The following TLK1 variants were observed in gnomAD, a reference collection of about 807,000 sequenced individuals.
The protein encoded by TLK1 is serine/threonine-protein kinase tousled-like 1.
A neutral mutation model predicts 105.3 loss-of-function variants in TLK1; 24 were observed. The ratio of observed to expected loss-of-function variants is 0.23; its 90% CI spans 0.17 to 0.32. The LOEUF (loss-of-function observed/expected upper bound fraction) is 0.32. Among genes scored for constraint, TLK1 ranks in the 10% least tolerant of loss-of-function variants. The pLI is 1.00. For missense variants in TLK1, 558 were observed against 910.5 expected (o/e 0.61, Z 4.98); for synonymous variants, 321 against 310.4 (o/e 1.03, Z -0.36).
At chr2:171,114,811 AGTGACAGAGTGAGATCCT>A (rs1690337415) in intron 2 of TLK1, among the ~76,000 whole-genome samples, 1 of 151,960 alleles carries the variant, frequency 6.6e-6, no homozygotes, top group South Asian at 2.1e-4. Flanking sequence ...CTCCAGCCTG[AGTGACAGAGTGAGATCCT>A]GTCTCAGAGG....
rs573051930 is a variant in TLK1 at position 171,076,155 on chromosome 2, T to C, written c.330+6626A>G. On this transcript the variant is annotated intron_variant, in intron 3 of 20. Coordinates refer to ENST00000431350, the MANE Select transcript of TLK1 (RefSeq NM_012290.5). ...CTCGCTTGAACCCAGGAGGGGGAAG[T>C]TGCAGTGAGCCAAGATCATGCCACT... is the stretch of plus-strand genomic sequence containing the variant. 5.3e-5 allele frequency among the ~76,000 whole-genome samples: 8 copies of C among 150,208 alleles called. No homozygotes were observed. The South Asian group carries it at 1.0e-3, about 20-fold the overall frequency.
At chr2:171,026,586 A>G (rs1685783405) in intron 12 of TLK1, among the ~76,000 whole-genome samples, 1 of 152,202 alleles carries the variant, frequency 6.6e-6, no homozygotes. Flanking sequence ...ACCCTTCAGT[A>G]AAACTCTCAA....
intron 1 of TLK1, among the ~76,000 whole-genome samples, chr2:171,229,105 C>A (rs942406637): frequency 1.2e-4 from 18 of 152,152 alleles, no homozygotes; most frequent in Admixed American, 8.5e-4. Context: ...TTTTGTTTTC[C>A]AATATTTTAC....
intron 1 of TLK1, among the ~76,000 whole-genome samples, chr2:171,156,810 G>A (rs181901653): frequency 3.2e-3 from 490 of 152,272 alleles, no homozygotes; most frequent in Non-Finnish European, 5.2e-3. Flanking sequence ...AACAGAGGAA[G>A]TTTACAGTTT....
At chr2:171,038,233 T>C (rs1686471126) in intron 11 of TLK1, among the ~76,000 whole-genome samples, 1 of 152,166 alleles carries the variant, frequency 6.6e-6, no homozygotes, top group Non-Finnish European at 1.5e-5. Context: ...ATCAATCATA[T>C]CAATTGTATC....
At chr2:171,218,038 G>T (rs939408233) in intron 1 of TLK1, among the ~76,000 whole-genome samples, 1 of 152,168 alleles carries the variant, frequency 6.6e-6, no homozygotes, top group Non-Finnish European at 1.5e-5. Context: ...CAGATCACAA[G>T]GTCAGGAGAT....
At chr2:171,131,270 G>C (rs1039388285) in intron 1 of TLK1, among the ~76,000 whole-genome samples, 1 of 152,104 alleles carries the variant, frequency 6.6e-6, no homozygotes, top group Non-Finnish European at 1.5e-5. Context: ...CTATAAAATA[G>C]GTTCATATGG....
rs753399963 is a variant in TLK1, at chr2:171,055,192, T to G, written c.550-20A>C. On this transcript the variant is annotated intron_variant, in intron 6 of 20. Transcript: ENST00000431350. ...TCGAACCTAAAGAAATTATTAAAAT[T>G]TTTATATTAGCAAAAAAAAAAAAAA... 2 of 1,331,162 alleles carry G rather than the reference T, an allele frequency of 1.5e-6. No homozygotes were observed. The highest frequency in any genetic ancestry group is 2.0e-6 in the Non-Finnish European group (2 of 1,009,554). The allele number at this position is 1,331,162 out of a possible 1,614,324, so 82.5% of individuals were successfully genotyped here.
intron 1 of TLK1, among the ~76,000 whole-genome samples, chr2:171,122,050 G>A (rs574198069): frequency 4.6e-5 from 7 of 152,294 alleles, no homozygotes; most frequent in South Asian, 4.1e-4. Flanking sequence ...GGGTTCAAGC[G>A]ATTCTCCTGC....
chr2:171,202,699 G>A (rs951152531), intron 1 of TLK1, among the ~76,000 whole-genome samples: 1 of 152,200 alleles, frequency 6.6e-6, no homozygotes, highest in African/African-American at 2.4e-5. Flanking sequence ...AGAAGTTGCA[G>A]TGAGCCGAGA....
chr2:171,084,108 C>G (rs984142505), intron 2 of TLK1, among the ~76,000 whole-genome samples: 2 of 151,994 alleles, frequency 1.3e-5, no homozygotes, highest in African/African-American at 4.8e-5. Context: ...AACAAGTCAA[C>G]AACAACCATA....
At chr2:171,186,458 G>A (rs1328527585) in intron 1 of TLK1, among the ~76,000 whole-genome samples, 1 of 152,204 alleles carries the variant, frequency 6.6e-6, no homozygotes, top group African/African-American at 2.4e-5. Flanking sequence ...GTCATTTAGT[G>A]TCTAGGAGCC....
At position 171,160,354 on chromosome 2, in the gene TLK1, C is replaced by G. The variant is rs1426690659; in HGVS notation, c.75G>C (p.Pro25=). Residue 25 remains proline (P), a synonymous_variant, in exon 1 of 21, where the codon CCG becomes CCC. Coordinates refer to ENST00000431350, the MANE Select transcript of TLK1 (RefSeq NM_012290.5). This position sits in a 1 kb window ranked among gnomAD's most constrained non-coding sequence, Gnocchi z 4.4. The part of the protein sequence containing the change: ...SWSQLSTSPT[P]GSAAAARSLL... ...GGGACCTGGCCGCCGCCGCCGAGCC[C>G]GGGGTTGGAGACGTGGAGAGCTGGG... 2 of 1,604,754 alleles carry G rather than the reference C, an allele frequency of 1.2e-6. No individual in the cohort carries two copies. The highest frequency in any genetic ancestry group is 1.7e-6 in the Non-Finnish European group (2 of 1,176,310).
At chr2:171,201,038 T>G (rs141431838) in intron 1 of TLK1, among the ~76,000 whole-genome samples, 3 of 151,942 alleles carry the variant, frequency 2.0e-5, no homozygotes, top group Non-Finnish European at 4.4e-5. Context: ...CATGCTAACA[T>G]GCCCAGCTAA....
At chr2:171,100,014 AAG>A (rs1689621164) in intron 2 of TLK1, among the ~76,000 whole-genome samples, 1 of 152,348 alleles carries the variant, frequency 6.6e-6, no homozygotes, top group East Asian at 1.9e-4. Flanking sequence ...TGTATCTGAT[AAG>A]AGTCTAGTAC....
chr2:171,133,654 C>A (rs1691192640), intron 1 of TLK1, among the ~76,000 whole-genome samples: 1 of 151,746 alleles, frequency 6.6e-6, no homozygotes, highest in Non-Finnish European at 1.5e-5. Flanking sequence ...TTCTTTCTGG[C>A]TTTAGACACT....
intron 2 of TLK1, among the ~76,000 whole-genome samples, chr2:171,103,282 A>ATATATATATATATATATATATAT (rs55949414): frequency 4.1e-4 from 60 of 147,920 alleles, no homozygotes; most frequent in African/African-American, 7.3e-4. Context: ...ATATATATAT[A>ATATATATATATATATATATATAT]ATTTTTTTTG....
intron 1 of TLK1, among the ~76,000 whole-genome samples, chr2:171,142,375 T>G (rs1479763690): frequency 6.6e-6 from 1 of 152,186 alleles, no homozygotes; most frequent in Non-Finnish European, 1.5e-5. Context: ...CTAGTTTATT[T>G]AAACTAGTAT....
intron 1 of TLK1, among the ~76,000 whole-genome samples, chr2:171,180,486 G>A (rs1367860454): frequency 1.3e-5 from 2 of 152,126 alleles, no homozygotes; most frequent in Non-Finnish European, 2.9e-5. Flanking sequence ...ACTACAACAT[G>A]TTTTAACTAC....
Sources: gnomAD v4.1 joint callset for allele counts (sites outside exome capture counted in the v4.1 genomes callset) on GRCh38, gnomAD v4.1.1 for gene constraint, Gnocchi (gnomAD v3.1) non-coding constraint, MANE v1.5 for transcripts, NCBI Gene and HGNC (gene_info 2026-07-23, HGNC 2026-07-21) for gene names.